CNTNAP2: variants seen among roughly 807,000 people sequenced by gnomAD.
CNTNAP2 encodes the protein contactin-associated protein-like 2.
CNTNAP2 carries 98 observed loss-of-function variants against 155.2 expected under a neutral mutation model. That is an observed-to-expected ratio of 0.63 (90% CI 0.54 to 0.75). The LOEUF (loss-of-function observed/expected upper bound fraction) is 0.75, where lower values mean the gene tolerates loss of function less well. Among genes scored for constraint, CNTNAP2 ranks in the 30% least tolerant of loss-of-function variants. CNTNAP2 has a pLI of 0.00. For synonymous variants in CNTNAP2, 651 were observed against 631.2 expected (o/e 1.03, Z -0.47); for missense variants, 1,727 against 1,688.1 (o/e 1.02, Z -0.40).
chr7:146,746,514 T>A (rs1323910034), intron 1 of CNTNAP2, among the ~76,000 whole-genome samples: 1 of 152,132 alleles, frequency 6.6e-6, no homozygotes, highest in Non-Finnish European at 1.5e-5. Flanking sequence ...GATTATATTA[T>A]CATGTAAAAG....
chr7:146,297,235 C>T (rs1800529466), intron 1 of CNTNAP2, among the ~76,000 whole-genome samples: 1 of 151,796 alleles, frequency 6.6e-6, no homozygotes, highest in African/African-American at 2.4e-5. Flanking sequence ...AGTGCATTTC[C>T]TAATATATCT....
At chr7:147,083,550 GTATA>G (rs1289403405) in intron 4 of CNTNAP2, among the ~76,000 whole-genome samples, 2 of 112,998 alleles carry the variant, frequency 1.8e-5, no homozygotes, top group Admixed American at 8.6e-5. Flanking sequence ...ATATATATAT[GTATA>G]TATATATATA....
At position 147,120,995 on chromosome 7, in the gene CNTNAP2, C is replaced by A; in HGVS notation, c.771C>A (p.Gly257=). Residue 257 remains glycine (G), a synonymous_variant, in exon 6 of 24, where the codon GGC becomes GGA. Coordinates refer to ENST00000361727, the MANE Select transcript of CNTNAP2 (RefSeq NM_014141.6). ...TGTACGCAGGAAGCAACCAGCTTGGCCCCATATATGGCCACACATCAGTGA... is the reference window on the plus strand; with the variant it reads ...TGTACGCAGGAAGCAACCAGCTTGGACCCATATATGGCCACACATCAGTGA... ...LSLNLGSNQL[G]PIYGHTSVMT... is the part of the protein sequence containing the mutation. 11 of 1,613,682 alleles carry A rather than the reference C, an allele frequency of 6.8e-6. No individual in the cohort carries two copies. Among genetic ancestry groups the A allele is most frequent in the Non-Finnish European group, 9.3e-6 (11 of 1,179,924 alleles).
chr7:146,677,014 C>G (rs1585037820), intron 1 of CNTNAP2, among the ~76,000 whole-genome samples: 1 of 152,190 alleles, frequency 6.6e-6, no homozygotes, highest in Non-Finnish European at 1.5e-5. Context: ...TAAGGACATG[C>G]CCATCACACA....
intron 12 of CNTNAP2, among the ~76,000 whole-genome samples, chr7:147,577,369 TAAGC>T (rs1800414741): frequency 1.3e-5 from 2 of 152,224 alleles, no homozygotes; most frequent in South Asian, 4.1e-4. Flanking sequence ...GACATGACGC[TAAGC>T]ACATTAATAT....
intron 2 of CNTNAP2, among the ~76,000 whole-genome samples, chr7:146,784,453 CTA>C (rs566126254): frequency 2.8e-4 from 42 of 152,064 alleles, no homozygotes; most frequent in Admixed American, 6.6e-4. Context: ...GGTACTGGCC[CTA>C]TAAAGTTTAG....
chr7:147,902,083 A>G (rs892465800), intron 13 of CNTNAP2, among the ~76,000 whole-genome samples: 6 of 152,196 alleles, frequency 3.9e-5, no homozygotes, highest in African/African-American at 1.2e-4. Context: ...CGAGAATTGT[A>G]TGGTGTAGAA....
intron 2 of CNTNAP2, among the ~76,000 whole-genome samples, chr7:146,797,053 G>C (rs1802783527): frequency 6.6e-6 from 1 of 152,054 alleles, no homozygotes; most frequent in Non-Finnish European, 1.5e-5. Context: ...GGAGAATGGT[G>C]TGAACCCGGG....
chr7:148,149,788 G>A (rs1490593316), intron 17 of CNTNAP2, among the ~76,000 whole-genome samples: 2 of 152,014 alleles, frequency 1.3e-5, no homozygotes, highest in Non-Finnish European at 2.9e-5. Context: ...CTGACCTCAG[G>A]TGATCCACCC....
intron 8 of CNTNAP2, among the ~76,000 whole-genome samples, chr7:147,179,443 G>A (rs1226286806): frequency 6.6e-6 from 1 of 152,134 alleles, no homozygotes; most frequent in Non-Finnish European, 1.5e-5. Flanking sequence ...CAGACAAAGA[G>A]GAGGCTAAAC....
At chr7:147,265,037 A>C (rs1333278648) in intron 8 of CNTNAP2, among the ~76,000 whole-genome samples, 1 of 152,020 alleles carries the variant, frequency 6.6e-6, no homozygotes, top group Non-Finnish European at 1.5e-5. Context: ...TCTCTTAGGC[A>C]CCTGAGACCC....
chr7:147,055,378 G>T (rs1013259525), intron 4 of CNTNAP2, among the ~76,000 whole-genome samples: 2 of 152,222 alleles, frequency 1.3e-5, no homozygotes, highest in Non-Finnish European at 2.9e-5. Context: ...CTCTAGGCCA[G>T]AGAGCACATG....
chr7:147,055,309 C>T (rs925231681), intron 4 of CNTNAP2, among the ~76,000 whole-genome samples: 1 of 152,162 alleles, frequency 6.6e-6, no homozygotes, highest in Non-Finnish European at 1.5e-5. Flanking sequence ...TGCTTCATAA[C>T]CGAAATGCTT....
At chr7:148,004,853 A>G (rs1414717041) in intron 15 of CNTNAP2, among the ~76,000 whole-genome samples, 1 of 152,214 alleles carries the variant, frequency 6.6e-6, no homozygotes, top group Non-Finnish European at 1.5e-5. Flanking sequence ...AACCTGTTCC[A>G]GGAAAGAATG....
intron 18 of CNTNAP2, among the ~76,000 whole-genome samples, chr7:148,179,361 G>T (rs766472545): frequency 3.3e-5 from 5 of 152,092 alleles, no homozygotes; most frequent in Non-Finnish European, 7.4e-5. Context: ...GACAAAATTA[G>T]CCAGGTGTGG....
rs1427189447 is a variant in CNTNAP2 at position 146,605,080 on chromosome 7, A to G, written c.98-169191A>G. 3.1e-5 allele frequency among the ~76,000 whole-genome samples: 4 copies of G among 128,664 alleles called. 1 individual carries two copies. Among genetic ancestry groups the G allele is most frequent in the Non-Finnish European group, 4.8e-5 (3 of 62,540 alleles). 84.4% of individuals were successfully genotyped at this position (128,664 alleles called of 152,430 possible). A position where few individuals can be genotyped will look rare whatever the true frequency, so the allele number is the denominator to read the frequency against. On this transcript the variant is annotated intron_variant, in intron 1 of 23. Transcript: ENST00000361727. ...CCTAAAACTTAAAGTATAATAAAAA[A>G]AAACAACAAAAAAAAAAAGAAAAAA...
intron 3 of CNTNAP2, among the ~76,000 whole-genome samples, chr7:146,897,942 T>TA (rs1165559270): frequency 6.7e-6 from 1 of 149,044 alleles, no homozygotes; most frequent in Non-Finnish European, 1.5e-5. Context: ...TTTATATATA[T>TA]TTTTAATATC....
At chr7:146,842,935 T>A (rs1352483700) in intron 3 of CNTNAP2, among the ~76,000 whole-genome samples, 1 of 135,522 alleles carries the variant, frequency 7.4e-6, no homozygotes, top group East Asian at 2.4e-4. Context: ...TCTGCCTGCC[T>A]CGGCCTCCCA....
intron 8 of CNTNAP2, among the ~76,000 whole-genome samples, chr7:147,244,376 C>T (rs997597687): frequency 6.6e-6 from 1 of 152,106 alleles, no homozygotes; most frequent in Non-Finnish European, 1.5e-5. Context: ...TTACTAAGCA[C>T]CCTATATGTT....
Sources: gnomAD v4.1 joint callset for allele counts (sites outside exome capture counted in the v4.1 genomes callset) on GRCh38, gnomAD v4.1.1 for gene constraint, MANE v1.5 for transcripts, NCBI Gene and HGNC (gene_info 2026-07-23, HGNC 2026-07-21) for gene names.